Variants in ACTL8 observed in about 807,000 individuals in gnomAD.
The protein encoded by ACTL8 is actin-like protein 8.
ACTL8 carries 3 observed loss-of-function variants against 9.3 expected under a neutral mutation model. The ratio of observed to expected loss-of-function variants is 0.32; its 90% CI spans 0.15 to 0.83. The LOEUF (loss-of-function observed/expected upper bound fraction) is 0.83. Ranked by LOEUF, ACTL8 falls within the 40% of genes least tolerant of loss-of-function variation. The pLI is 0.57. For missense variants in ACTL8, 381 were observed against 492.2 expected (o/e 0.77, Z 2.14); for synonymous variants, 224 against 205.9 (o/e 1.09, Z -0.75).
chr1:17,763,066 G>C (rs1451208082), intron 1 of ACTL8, among the ~76,000 whole-genome samples: 1 of 152,132 alleles, frequency 6.6e-6, no homozygotes, highest in African/African-American at 2.4e-5. Flanking sequence ...AGACCTTTGG[G>C]CCAGAGTAGC....
At chr1:17,789,002 G>A (rs1162942880) in intron 1 of ACTL8, among the ~76,000 whole-genome samples, 1 of 152,244 alleles carries the variant, frequency 6.6e-6, no homozygotes, top group East Asian at 1.9e-4. Flanking sequence ...GACCTGCAGA[G>A]TGCAGGAGAC....
At chr1:17,762,918 C>T (rs554847323) in intron 1 of ACTL8, among the ~76,000 whole-genome samples, 1 of 152,068 alleles carries the variant, frequency 6.6e-6, no homozygotes, top group Non-Finnish European at 1.5e-5. Context: ...TGGTGGGGCC[C>T]GCGCAATAAT....
Position 17,768,097 on chromosome 1 carries a change from G to A in ACTL8, c.-25+12593G>A, listed in dbSNP as rs1253359726. Among the ~76,000 whole-genome samples the A allele has an allele frequency of 2.1e-5, 3 of 145,212 alleles. No individual in the cohort carries two copies. In the East Asian group the frequency reaches 6.4e-4, roughly 31 times the overall value. ...AAGGAATCATCAGAAGGAAACTCTT[G>A]TATCTGAAGTTGGGCCAAAAGACTG... On this transcript the variant is annotated intron_variant, in intron 1 of 2. Coordinates refer to ENST00000375406, the MANE Select transcript of ACTL8 (RefSeq NM_030812.3).
chr1:17,773,041 C>T (rs1255047590), intron 1 of ACTL8, among the ~76,000 whole-genome samples: 1 of 152,160 alleles, frequency 6.6e-6, no homozygotes, highest in African/African-American at 2.4e-5. Flanking sequence ...TAATAAGAGT[C>T]AATTGGTTAT....
At chr1:17,819,374 C>T (rs2053628117) in intron 1 of ACTL8, among the ~76,000 whole-genome samples, 1 of 152,228 alleles carries the variant, frequency 6.6e-6, no homozygotes, top group South Asian at 2.1e-4. Flanking sequence ...CACGCTCCTT[C>T]TTGGCTCTCC....
intron 1 of ACTL8, among the ~76,000 whole-genome samples, chr1:17,760,598 CA>C (rs747763581): frequency 3.7e-4 from 57 of 152,276 alleles, no homozygotes; most frequent in Middle Eastern, 6.8e-3. Context: ...TCCAAGAGCC[CA>C]GGGGGGTGGC....
intron 1 of ACTL8, among the ~76,000 whole-genome samples, chr1:17,798,864 G>A (rs578159242): frequency 4.6e-5 from 7 of 152,278 alleles, no homozygotes; most frequent in Non-Finnish European, 7.3e-5. Context: ...ATAAGCAGGC[G>A]TTTGCCTTAA....
intron 1 of ACTL8, among the ~76,000 whole-genome samples, chr1:17,797,860 C>T (rs72931105): frequency 0.062 from 9,432 of 152,166 alleles, 725 homozygotes; most frequent in East Asian, 0.21. Flanking sequence ...TTCCAGCAAA[C>T]GGGAGCCAAT....
At chr1:17,776,712 A>G (rs1244437080) in intron 1 of ACTL8, among the ~76,000 whole-genome samples, 1 of 152,082 alleles carries the variant, frequency 6.6e-6, no homozygotes, top group Non-Finnish European at 1.5e-5. Context: ...AGGGTTTTAA[A>G]TAAGGCCGAT....
intron 1 of ACTL8, among the ~76,000 whole-genome samples, chr1:17,799,935 G>C (rs1206526818): frequency 6.7e-6 from 1 of 150,026 alleles, no homozygotes; most frequent in African/African-American, 2.5e-5. Flanking sequence ...AGCTCTCTCT[G>C]CTGTTCCGTT....
intron 1 of ACTL8, among the ~76,000 whole-genome samples, chr1:17,763,136 C>T (rs1204443253): frequency 6.6e-6 from 1 of 152,160 alleles, no homozygotes; most frequent in Non-Finnish European, 1.5e-5. Context: ...TGCGGGTCCC[C>T]AGACACTGTG....
intron 1 of ACTL8, among the ~76,000 whole-genome samples, chr1:17,794,215 C>T (rs1382695192): frequency 6.6e-6 from 1 of 152,198 alleles, no homozygotes; most frequent in Non-Finnish European, 1.5e-5. Context: ...CTAGGTCTGG[C>T]TGACCTTTTA....
At chr1:17,798,512 G>T (rs943481760) in intron 1 of ACTL8, among the ~76,000 whole-genome samples, 1 of 152,100 alleles carries the variant, frequency 6.6e-6, no homozygotes, top group Non-Finnish European at 1.5e-5. Context: ...AGAGGGAGTT[G>T]GTGGAGGGGG....
chr1:17,760,951 T>A (rs2065997745), intron 1 of ACTL8, among the ~76,000 whole-genome samples: 7 of 152,110 alleles, frequency 4.6e-5, no homozygotes, highest in Admixed American at 3.9e-4. Flanking sequence ...GGTAAGTGCC[T>A]CTAATTATGT....
chr1:17,808,600 A>C (rs11808771), intron 1 of ACTL8, among the ~76,000 whole-genome samples: 1 of 152,192 alleles, frequency 6.6e-6, no homozygotes, highest in Non-Finnish European at 1.5e-5. Context: ...TTGGGTTTTT[A>C]TGCGGAGCAA....
chr1:17,760,437 G>C (rs1440018195), intron 1 of ACTL8, among the ~76,000 whole-genome samples: 1 of 152,150 alleles, frequency 6.6e-6, no homozygotes, highest in East Asian at 1.9e-4. Context: ...ATCGTTGGCA[G>C]GACTGAGTGG....
At chr1:17,820,987 ATAGG>A (rs1301281508) in intron 1 of ACTL8, among the ~76,000 whole-genome samples, 3 of 152,118 alleles carry the variant, frequency 2.0e-5, no homozygotes, top group Admixed American at 2.0e-4. Flanking sequence ...GGTCATTCTA[ATAGG>A]TAGGTGTACA....
At chr1:17,781,940 C>T (rs566392421) in intron 1 of ACTL8, among the ~76,000 whole-genome samples, 1 of 152,260 alleles carries the variant, frequency 6.6e-6, no homozygotes, top group East Asian at 1.9e-4. Context: ...GGAGAATGGG[C>T]CATCCATGAA....
intron 1 of ACTL8, among the ~76,000 whole-genome samples, chr1:17,806,117 C>T (rs965874207): frequency 6.6e-6 from 1 of 152,150 alleles, no homozygotes. Flanking sequence ...GCCGGGATGT[C>T]GAGCGATTAA....
Sources: allele counts gnomAD v4.1 joint callset (sites outside exome capture counted in the v4.1 genomes callset), GRCh38; gene constraint gnomAD v4.1.1; transcripts MANE v1.5; gene names NCBI Gene and HGNC (gene_info 2026-07-23, HGNC 2026-07-21).